Variants in NXPH1 observed in about 807,000 individuals in gnomAD.
NXPH1 encodes the protein neurexophilin-1.
NXPH1 carries 5 observed loss-of-function variants against 23.7 expected under a neutral mutation model. That is an observed-to-expected ratio of 0.21 (90% CI 0.11 to 0.44). The LOEUF is 0.44. Ranked by LOEUF, NXPH1 falls within the 20% of genes least tolerant of loss-of-function variation. The pLI is 0.99. For missense variants in NXPH1, 324 were observed against 321.6 expected, an observed-to-expected ratio of 1.01 and a Z score of -0.06; for synonymous variants, 144 against 122.2, an observed-to-expected ratio of 1.18 and a Z score of -1.18.
At chr7:8,651,278 A>C (rs569569179) in intron 2 of NXPH1, among the ~76,000 whole-genome samples, 2 of 106,822 alleles carry the variant, frequency 1.9e-5, no homozygotes, top group African/African-American at 6.3e-5. Flanking sequence ...AATTTCATCC[A>C]TGTCCCTACA....
At chr7:8,672,785 T>G (rs986590742) in intron 2 of NXPH1, among the ~76,000 whole-genome samples, 8 of 152,130 alleles carry the variant, frequency 5.3e-5, no homozygotes, top group Admixed American at 3.9e-4. Context: ...TTTGAGAAAT[T>G]TTCTCCTTTC....
intron 2 of NXPH1, among the ~76,000 whole-genome samples, chr7:8,509,866 C>A (rs1299422126): frequency 6.6e-6 from 1 of 152,164 alleles, no homozygotes; most frequent in East Asian, 1.9e-4. Flanking sequence ...AACATTTTTT[C>A]ATGTAGCTGA....
intron 2 of NXPH1, among the ~76,000 whole-genome samples, chr7:8,596,902 A>G (rs1819238349): frequency 6.6e-6 from 1 of 152,132 alleles, no homozygotes; most frequent in Non-Finnish European, 1.5e-5. Flanking sequence ...GGATAAATAT[A>G]ATCAAACAAC....
chr7:8,750,851 G>A (rs181830701), intron 2 of NXPH1, among the ~76,000 whole-genome samples, 157 bp from the exon 3 acceptor site: 1 of 152,176 alleles, frequency 6.6e-6, no homozygotes, highest in East Asian at 1.9e-4. Context: ...GGGAGAGGGG[G>A]CTTAGATCTC....
At chr7:8,527,224 G>C (rs766031353) in intron 2 of NXPH1, among the ~76,000 whole-genome samples, 8 of 152,164 alleles carry the variant, frequency 5.3e-5, no homozygotes, top group South Asian at 2.1e-4. Context: ...TCTGGTTCAC[G>C]CTATTGTTGC....
At chr7:8,748,409 A>G (rs1195897691) in intron 2 of NXPH1, among the ~76,000 whole-genome samples, 2 of 152,224 alleles carry the variant, frequency 1.3e-5, no homozygotes, top group Non-Finnish European at 2.9e-5. Flanking sequence ...ATTTTCCCCA[A>G]GACCACTAAT....
intron 2 of NXPH1, among the ~76,000 whole-genome samples, chr7:8,651,480 T>C (rs1194082102): frequency 6.6e-6 from 1 of 150,570 alleles, no homozygotes; most frequent in African/African-American, 2.4e-5. Context: ...CCTTTGGGTA[T>C]ATACCCAGTA....
intron 2 of NXPH1, among the ~76,000 whole-genome samples, chr7:8,666,180 T>C (rs1041812498): frequency 6.6e-6 from 1 of 152,030 alleles, no homozygotes; most frequent in African/African-American, 2.4e-5. Context: ...GCTTTGGGCT[T>C]GTCATATATG....
In NXPH1 at chr7:8,586,644, TATAC is replaced by T. The variant is rs1247527932; in HGVS notation, c.54+150879_54+150882del. Among the ~76,000 whole-genome samples, 226 of 151,212 alleles carry T rather than the reference TATAC, an allele frequency of 1.5e-3. 1 individual carries two copies. Among genetic ancestry groups the T allele is most frequent in the African/African-American group, 5.1e-3 (209 of 41,148 alleles). On this transcript the variant is annotated intron_variant, in intron 2 of 2. Coordinates refer to ENST00000405863, the MANE Select transcript of NXPH1 (RefSeq NM_152745.3). ...AATAATGAATATATATATATATATATATACACACACACACACATCGAGTAGAAAC... is the reference window on the plus strand; with the variant it reads ...AATAATGAATATATATATATATATATACACACACACACATCGAGTAGAAAC...
chr7:8,440,017 AG>A (rs1338538438), intron 2 of NXPH1, among the ~76,000 whole-genome samples: 2 of 152,242 alleles, frequency 1.3e-5, no homozygotes, highest in African/African-American at 4.8e-5. Flanking sequence ...TATTAAGGCT[AG>A]TTCTTGGAGG....
intron 2 of NXPH1, among the ~76,000 whole-genome samples, chr7:8,660,002 T>C (rs1038888005): frequency 3.9e-5 from 6 of 152,158 alleles, no homozygotes; most frequent in African/African-American, 1.2e-4. Context: ...GTTTGGGGAA[T>C]ACTTAAGAGG....
At chr7:8,596,622 A>G (rs1819230153) in intron 2 of NXPH1, among the ~76,000 whole-genome samples, 1 of 152,126 alleles carries the variant, frequency 6.6e-6, no homozygotes, top group Admixed American at 6.6e-5. Flanking sequence ...TTACTATGCT[A>G]AAGCTTTATA....
At chr7:8,682,072 T>C (rs934894870) in intron 2 of NXPH1, among the ~76,000 whole-genome samples, 1 of 152,122 alleles carries the variant, frequency 6.6e-6, no homozygotes, top group Non-Finnish European at 1.5e-5. Flanking sequence ...GAATGGGTGC[T>C]GGGGTGAGGG....
chr7:8,549,068 A>T lies in NXPH1; in HGVS notation c.54+113301A>T, dbSNP rs1374895429. Among the ~76,000 whole-genome samples the T allele has an allele frequency of 2.0e-5, 3 of 151,594 alleles. No homozygotes were observed. In the East Asian group the frequency reaches 5.8e-4, roughly 30 times the overall value. ...GATAAAGTCCCACTAATTATCCAGC[A>T]TCTTAAAAGATAAATTAAAAAATCC... On this transcript the variant is annotated intron_variant, in intron 2 of 2. Coordinates refer to ENST00000405863, the MANE Select transcript of NXPH1 (RefSeq NM_152745.3).
intron 2 of NXPH1, among the ~76,000 whole-genome samples, chr7:8,536,926 G>C (rs528936705): frequency 1.1e-4 from 17 of 152,058 alleles, no homozygotes; most frequent in Admixed American, 6.6e-5. Context: ...GAGATGGCAA[G>C]CCTTGATGGT....
intron 2 of NXPH1, among the ~76,000 whole-genome samples, chr7:8,588,420 A>G (rs1044426907): frequency 6.6e-6 from 1 of 152,122 alleles, no homozygotes; most frequent in South Asian, 2.1e-4. Flanking sequence ...TCTGATATAA[A>G]TCAGGAAAGA....
chr7:8,665,799 T>C (rs1433727424), intron 2 of NXPH1, among the ~76,000 whole-genome samples: 1 of 151,770 alleles, frequency 6.6e-6, no homozygotes, highest in East Asian at 1.9e-4. Flanking sequence ...TTTTTAGTTC[T>C]TTTTTTGGAA....
At chr7:8,523,230 A>G (rs990797817) in intron 2 of NXPH1, among the ~76,000 whole-genome samples, 3 of 152,208 alleles carry the variant, frequency 2.0e-5, no homozygotes, top group African/African-American at 7.2e-5. Context: ...GAGTTACAGC[A>G]GAGAGCCTAT....
intron 2 of NXPH1, among the ~76,000 whole-genome samples, chr7:8,516,279 T>G (rs1817685929): frequency 6.6e-6 from 1 of 152,134 alleles, no homozygotes; most frequent in Non-Finnish European, 1.5e-5. Context: ...CTTTATCTAC[T>G]TGGGATTTGC....
Sources: allele counts gnomAD v4.1 joint callset (sites outside exome capture counted in the v4.1 genomes callset), GRCh38; gene constraint gnomAD v4.1.1; transcripts MANE v1.5; gene names NCBI Gene and HGNC (gene_info 2026-07-23, HGNC 2026-07-21).